The following SCD5 variants were observed in gnomAD, a reference collection of about 807,000 sequenced individuals.
The protein encoded by SCD5 is acyl-CoA-desaturase 4.
Under a neutral mutation model 30.4 loss-of-function variants are expected in SCD5, and 20 were observed. The observed-to-expected ratio is 0.66, with a 90% confidence interval of 0.46 to 0.96. The LOEUF (loss-of-function observed/expected upper bound fraction) is 0.96. SCD5 is among the 40% of genes least tolerant of loss of function. The pLI, the probability that SCD5 is intolerant of heterozygous loss-of-function variation, is 0.00. For synonymous variants in SCD5, 173 were observed against 176.4 expected, an observed-to-expected ratio of 0.98 and a Z score of 0.16; for missense variants, 381 against 443.3, an observed-to-expected ratio of 0.86 and a Z score of 1.26.
At chr4:82,641,344 T>C (rs1727541913) in intron 3 of SCD5, among the ~76,000 whole-genome samples, 1 of 149,274 alleles carries the variant, frequency 6.7e-6, no homozygotes, top group Non-Finnish European at 1.5e-5. Flanking sequence ...CAGAGATCTA[T>C]ATATCTGGTA....
rs111634296 is a variant in SCD5, at chr4:82,693,115, C to A, written c.363+12168G>T. ...GTGAGGTAGGCACAGAGGGCAGGGC[C>A]GGGTTTGCTCTGCTCCCGATTGTAG... On this transcript the variant is annotated intron_variant, in intron 2 of 4. Coordinates refer to ENST00000319540, the MANE Select transcript of SCD5 (RefSeq NM_001037582.3). 3.9e-3 allele frequency among the ~76,000 whole-genome samples: 588 copies of A among 152,198 alleles called. 8 individuals carry two copies. Among genetic ancestry groups the A allele is most frequent in the African/African-American group, 0.013 (560 of 41,538 alleles).
chr4:82,698,651 C>A (rs1375492775), intron 2 of SCD5, among the ~76,000 whole-genome samples: 5 of 152,192 alleles, frequency 3.3e-5, no homozygotes, highest in Admixed American at 2.6e-4. Flanking sequence ...CATGGACCAG[C>A]CACGCTGGCC....
rs902283016 is a variant in SCD5 at position 82,772,363 on chromosome 4, A to G, written c.232+25943T>C. On this transcript the variant is annotated intron_variant, in intron 1 of 4. Coordinates refer to ENST00000319540, the MANE Select transcript of SCD5 (RefSeq NM_001037582.3). ...TTACAGAGTAGAGTCTCTTGGGCAT[A>G]TAAGTGGGCATTTGACCCAGGTCTG... is the stretch of plus-strand genomic sequence containing the variant. 3.9e-5 allele frequency among the ~76,000 whole-genome samples: 6 copies of G among 152,248 alleles called. No individual in the cohort carries two copies. The South Asian group carries it at 6.2e-4, about 16-fold the overall frequency.
At chr4:82,684,675 T>C (rs1728657853) in intron 2 of SCD5, among the ~76,000 whole-genome samples, 1 of 152,146 alleles carries the variant, frequency 6.6e-6, no homozygotes, top group Non-Finnish European at 1.5e-5. Context: ...GGCCCAACCA[T>C]CTCAACCTTG....
chr4:82,693,849 G>C (rs1719620803), intron 2 of SCD5, among the ~76,000 whole-genome samples: 3 of 152,214 alleles, frequency 2.0e-5, no homozygotes, highest in South Asian at 4.1e-4. Flanking sequence ...CCTCCCTGAA[G>C]AGGACTCCAT....
chr4:82,662,928 G>A (rs1178686844), intron 3 of SCD5, among the ~76,000 whole-genome samples: 2 of 149,952 alleles, frequency 1.3e-5, no homozygotes, highest in Non-Finnish European at 3.0e-5. Flanking sequence ...ATGATACATC[G>A]TCACAATGAA....
Position 82,792,231 on chromosome 4 carries a change from C to G in SCD5, c.232+6075G>C, listed in dbSNP as rs113630159. ...GAGATCGCACCACTGCACTTGCACT[C>G]CAGCCTGGGTAACAAGAACAAAACT... On this transcript the variant is annotated intron_variant, in intron 1 of 4. Transcript: ENST00000319540. Among the ~76,000 whole-genome samples the G allele has an allele frequency of 4.6e-5, 7 of 151,920 alleles. 1 individual carries two copies. Among genetic ancestry groups the G allele is most frequent in the African/African-American group, 1.7e-4 (7 of 41,390 alleles).
chr4:82,656,190 T>A (rs6811918), intron 3 of SCD5, among the ~76,000 whole-genome samples: 1 of 151,850 alleles, frequency 6.6e-6, no homozygotes, highest in East Asian at 1.9e-4. Flanking sequence ...GGTGGTTTGC[T>A]GCACCCATCA....
chr4:82,796,034 G>A (rs930539889), intron 1 of SCD5, among the ~76,000 whole-genome samples: 1 of 151,964 alleles, frequency 6.6e-6, no homozygotes, highest in Non-Finnish European at 1.5e-5. Context: ...AGTTTAGGAG[G>A]CTGAGGTGGG....
At chr4:82,779,602 A>G (rs11099551) in intron 1 of SCD5, among the ~76,000 whole-genome samples, 23,412 of 152,202 alleles carry the variant, frequency 0.15, 2,486 homozygotes, top group African/African-American at 0.3. Context: ...AACCTTCAGG[A>G]CTGTGTTGCC....
intron 1 of SCD5, among the ~76,000 whole-genome samples, chr4:82,730,389 C>G (rs533246757): frequency 3.3e-5 from 5 of 150,398 alleles, no homozygotes; most frequent in African/African-American, 4.9e-5. Flanking sequence ...CTCCGCTTCC[C>G]GGGTTCAAGC....
intron 2 of SCD5, among the ~76,000 whole-genome samples, chr4:82,683,387 G>A (rs1387724639): frequency 1.3e-5 from 2 of 152,084 alleles, no homozygotes; most frequent in African/African-American, 4.8e-5. Context: ...ATGTGAACAC[G>A]ACATAGAAAG....
intron 1 of SCD5, among the ~76,000 whole-genome samples, chr4:82,788,495 A>G (rs539132198): frequency 6.6e-6 from 1 of 152,312 alleles, no homozygotes; most frequent in Non-Finnish European, 1.5e-5. Context: ...GGTTCAAGCA[A>G]TTCTCGTGCT....
intron 2 of SCD5, among the ~76,000 whole-genome samples, chr4:82,685,740 T>G (rs1253253390): frequency 1.3e-5 from 2 of 150,686 alleles, no homozygotes; most frequent in Non-Finnish European, 3.0e-5. Context: ...AAAAAAAAAC[T>G]AAAAACAAAA....
chr4:82,642,209 C>G (rs1317414569), intron 3 of SCD5, among the ~76,000 whole-genome samples: 1 of 152,056 alleles, frequency 6.6e-6, no homozygotes, highest in Admixed American at 6.5e-5. Flanking sequence ...GGGCCTTCCC[C>G]ACAGCCACAC....
chr4:82,730,001 C>G (rs6850402), intron 1 of SCD5, among the ~76,000 whole-genome samples: 20,015 of 151,516 alleles, frequency 0.13, 1,360 homozygotes, highest in Admixed American at 0.17. Context: ...CTTTACTATT[C>G]TTTTAAGATG....
chr4:82,647,739 A>T (rs1025165051), intron 3 of SCD5, among the ~76,000 whole-genome samples: 1 of 147,484 alleles, frequency 6.8e-6, no homozygotes, highest in Admixed American at 6.6e-5. Context: ...CTTCAGTATA[A>T]CCGTGCTGTA....
intron 3 of SCD5, among the ~76,000 whole-genome samples, chr4:82,655,278 A>G (rs1409070526): frequency 6.6e-6 from 1 of 152,152 alleles, no homozygotes; most frequent in Non-Finnish European, 1.5e-5. Context: ...CTCTACTTAT[A>G]AATTTTCCAT....
chr4:82,685,910 GCA>G (rs1413276861), intron 2 of SCD5, among the ~76,000 whole-genome samples: 1 of 151,790 alleles, frequency 6.6e-6, no homozygotes, highest in Non-Finnish European at 1.5e-5. Flanking sequence ...TTCACTTGTA[GCA>G]CACCTCCAGG....
Sources: gnomAD v4.1 joint callset for allele counts (sites outside exome capture counted in the v4.1 genomes callset) on GRCh38, gnomAD v4.1.1 for gene constraint, MANE v1.5 for transcripts, NCBI Gene and HGNC (gene_info 2026-07-23, HGNC 2026-07-21) for gene names.